TBC1D30: variants seen among roughly 807,000 people sequenced by gnomAD.
The protein encoded by TBC1D30 is TBC1 domain family member 30.
Under a neutral mutation model 63.2 loss-of-function variants are expected in TBC1D30, and 31 were observed. That is an observed-to-expected ratio of 0.49 (90% CI 0.37 to 0.66). The LOEUF is 0.66. TBC1D30 is among the 30% of genes least tolerant of loss of function. The pLI is 0.00. For missense variants in TBC1D30, 810 were observed against 953.6 expected (o/e 0.85, Z 1.98); for synonymous variants, 307 against 361.5 (o/e 0.85, Z 1.71).
intron 2 of TBC1D30, among the ~76,000 whole-genome samples, chr12:64,798,425 T>TCCAATGAG (rs1872404341): frequency 6.6e-6 from 1 of 152,184 alleles, no homozygotes; most frequent in East Asian, 1.9e-4. Flanking sequence ...AGCTTGACAT[T>TCCAATGAG]CCAATGAGTC....
In TBC1D30 at chr12:64,845,594, C is replaced by T. The variant is rs562187065; in HGVS notation, c.1038+2109C>T. 1.2e-4 allele frequency among the ~76,000 whole-genome samples: 18 copies of T among 151,872 alleles called. 1 individual carries two copies. Among genetic ancestry groups the T allele is most frequent in the African/African-American group, 2.9e-4 (12 of 41,430 alleles). ...ACAAAAAATTAGCCAGGCGTGGTGG[C>T]GGGTGCCTGTAGTCCCAGCTACTCA... is the stretch of plus-strand genomic sequence containing the variant. On this transcript the variant is annotated intron_variant, in intron 8 of 11. Coordinates refer to ENST00000539867, the MANE Select transcript of TBC1D30 (RefSeq NM_015279.2).
intron 1 of TBC1D30, among the ~76,000 whole-genome samples, chr12:64,760,351 G>A (rs1006239651): frequency 6.6e-6 from 1 of 152,078 alleles, no homozygotes; most frequent in Non-Finnish European, 1.5e-5. Flanking sequence ...ATCACCTGAG[G>A]TCAGGAGTTT....
At chr12:64,802,898 G>A (rs530569434) in intron 2 of TBC1D30, among the ~76,000 whole-genome samples, 47 of 152,296 alleles carry the variant, frequency 3.1e-4, no homozygotes, top group South Asian at 8.3e-4. Context: ...GTCTGTTATT[G>A]ATGGACATTT....
intron 2 of TBC1D30, among the ~76,000 whole-genome samples, chr12:64,787,155 T>A (rs370580333): frequency 8.5e-5 from 13 of 152,174 alleles, no homozygotes; most frequent in Non-Finnish European, 1.0e-4. Flanking sequence ...ATGTAACCTA[T>A]CTCTTGCATA....
chr12:64,782,355 A>T, intron 1 of TBC1D30, among the ~76,000 whole-genome samples: 1 of 150,218 alleles, frequency 6.7e-6, no homozygotes, highest in African/African-American at 2.4e-5. Context: ...CTACGTAAAC[A>T]GCTTTTAGCT....
At chr12:64,789,053 A>C (rs1174354796) in intron 2 of TBC1D30, among the ~76,000 whole-genome samples, 1 of 152,190 alleles carries the variant, frequency 6.6e-6, no homozygotes, top group African/African-American at 2.4e-5. Context: ...TATCACACTG[A>C]ATAACATATT....
At chr12:64,809,632 C>G (rs1873091424) in intron 2 of TBC1D30, among the ~76,000 whole-genome samples, 1 of 152,208 alleles carries the variant, frequency 6.6e-6, no homozygotes, top group Non-Finnish European at 1.5e-5. Context: ...TTCTTTATAG[C>G]TTGCATTCTG....
chr12:64,773,778 A>T (rs185285608), intron 1 of TBC1D30, among the ~76,000 whole-genome samples: 184 of 152,322 alleles, frequency 1.2e-3, no homozygotes, highest in Middle Eastern at 3.4e-3. Context: ...AAAAACAAAA[A>T]CCATCCAAAG....
At chr12:64,784,175 C>T (rs949637809) in intron 1 of TBC1D30, among the ~76,000 whole-genome samples, 22 of 151,922 alleles carry the variant, frequency 1.4e-4, no homozygotes, top group Non-Finnish European at 2.6e-4. Context: ...CTTATTTTTA[C>T]TTAAAGCGTT....
intron 1 of TBC1D30, among the ~76,000 whole-genome samples, chr12:64,769,442 A>C (rs1326210593): frequency 6.7e-6 from 1 of 148,970 alleles, no homozygotes; most frequent in Admixed American, 6.7e-5. Flanking sequence ...CAGTGGCATG[A>C]TCTCGGCTCA....
At chr12:64,844,137 T>C (rs539788150) in intron 8 of TBC1D30, among the ~76,000 whole-genome samples, 2 of 152,126 alleles carry the variant, frequency 1.3e-5, no homozygotes, top group African/African-American at 4.8e-5. Context: ...GGGAATAAAT[T>C]ATTGAGGATA....
chr12:64,837,601 C>T (rs1172373123), intron 6 of TBC1D30, among the ~76,000 whole-genome samples: 1 of 152,116 alleles, frequency 6.6e-6, no homozygotes, highest in East Asian at 1.9e-4. Context: ...TGGGGAGTGG[C>T]TGTAAATACA....
intron 1 of TBC1D30, among the ~76,000 whole-genome samples, chr12:64,772,137 T>C (rs924969384): frequency 4.1e-5 from 6 of 147,690 alleles, no homozygotes; most frequent in East Asian, 4.1e-4. Flanking sequence ...TGCCCGAGGC[T>C]GAGGCAGGAG....
intron 1 of TBC1D30, among the ~76,000 whole-genome samples, chr12:64,826,425 G>A (rs1226072335): frequency 6.6e-6 from 1 of 152,150 alleles, no homozygotes; most frequent in Admixed American, 6.5e-5. Flanking sequence ...CTTGTAGTGT[G>A]GCAAGAATAA....
chr12:64,849,099 T>C (rs1592633783), intron 8 of TBC1D30, among the ~76,000 whole-genome samples: 1 of 152,248 alleles, frequency 6.6e-6, no homozygotes, highest in East Asian at 1.9e-4. Flanking sequence ...GTTCATATCC[T>C]TTGCCCACTT....
At chr12:64,846,048 C>A (rs995322982) in intron 8 of TBC1D30, among the ~76,000 whole-genome samples, 7 of 151,674 alleles carry the variant, frequency 4.6e-5, no homozygotes, top group African/African-American at 1.7e-4. Flanking sequence ...CATTTTTAAT[C>A]GAATTATAAG....
Position 64,824,878 on chromosome 12 carries a change from G to C in TBC1D30, c.-2G>C. ...CCGTGCCAGAGCCCGGGGCGCTCTC[G>C]GATGCGGCAGGACAAGCTGACCGGG... is the stretch of plus-strand genomic sequence containing the variant. On this transcript the variant is annotated 5_prime_UTR_variant, in exon 1 of 12. Transcript: ENST00000539867. 1.3e-6 allele frequency: 2 copies of C among 1,532,730 alleles called. No individual in the cohort carries two copies. Among genetic ancestry groups the C allele is most frequent in the East Asian group, 2.4e-5 (1 of 40,870 alleles). 94.9% of individuals were successfully genotyped at this position (1,532,730 alleles called of 1,614,324 possible).
intron 2 of TBC1D30, among the ~76,000 whole-genome samples, chr12:64,794,583 A>G (rs1014956339): frequency 6.6e-6 from 1 of 151,912 alleles, no homozygotes; most frequent in African/African-American, 2.4e-5. Context: ...GGAGGTGCAC[A>G]CTACCACATC....
chr12:64,846,989 G>A (rs920866269), intron 8 of TBC1D30, among the ~76,000 whole-genome samples: 1 of 151,596 alleles, frequency 6.6e-6, no homozygotes, highest in Non-Finnish European at 1.5e-5. Flanking sequence ...TTTTCAGATT[G>A]TTCACTGTTT....
Sources: gnomAD v4.1 joint callset for allele counts (sites outside exome capture counted in the v4.1 genomes callset) on GRCh38, gnomAD v4.1.1 for gene constraint, MANE v1.5 for transcripts, NCBI Gene and HGNC (gene_info 2026-07-23, HGNC 2026-07-21) for gene names.